HNF4A: variants seen among roughly 807,000 people sequenced by gnomAD.
HNF4A encodes the protein hepatocyte nuclear factor 4-alpha.
HNF4A carries 15 observed loss-of-function variants against 52.4 expected under a neutral mutation model. The ratio of observed to expected loss-of-function variants is 0.29; its 90% CI spans 0.19 to 0.44. HNF4A has a LOEUF of 0.44. HNF4A is among the 20% of genes least tolerant of loss of function. The pLI, the probability that HNF4A is intolerant of heterozygous loss-of-function variation, is 1.00. For synonymous variants in HNF4A, 280 were observed against 264.4 expected, an observed-to-expected ratio of 1.06 and a Z score of -0.57; for missense variants, 479 against 647.2, an observed-to-expected ratio of 0.74 and a Z score of 2.82.
chr20:44,382,537 C>T (rs1157419573), intron 1 of HNF4A, among the ~76,000 whole-genome samples: 1 of 151,994 alleles, frequency 6.6e-6, no homozygotes, highest in Non-Finnish European at 1.5e-5. Context: ...CCGCTGCACT[C>T]GGCCTAAGGG....
intron 3 of HNF4A, among the ~76,000 whole-genome samples, chr20:44,409,244 C>G (rs191160126): frequency 1.8e-4 from 27 of 152,328 alleles, no homozygotes; most frequent in Non-Finnish European, 3.2e-4. Flanking sequence ...ACTCCCTCCT[C>G]TCCCAAACCC....
At position 44,357,850 on chromosome 20, in the gene HNF4A, A is replaced by C. The variant is rs529573001; in HGVS notation, c.49+1997A>C. 1.4e-4 allele frequency among the ~76,000 whole-genome samples: 21 copies of C among 144,888 alleles called. No homozygotes were observed. In the East Asian group the frequency reaches 3.0e-3, roughly 21 times the overall value. Reference sequence around the variant, plus strand: ...AACTAAGGTTCAAGATTAAAAAAAAAACACAAACAAACAAAAAATGTCATC... The same window carrying C: ...AACTAAGGTTCAAGATTAAAAAAAACACACAAACAAACAAAAAATGTCATC... On this transcript the variant is annotated intron_variant, in intron 1 of 9. Transcript: ENST00000316673.
chr20:44,401,156 C>T (rs867753353), upstream of HNF4A: 51 of 1,413,486 alleles, frequency 3.6e-5, no homozygotes, highest in South Asian at 4.3e-4. Flanking sequence ...TATCCACCGG[C>T]GGGGGACCGA....
rs751211080 is a variant in HNF4A, at chr20:44,418,530, C to A, written c.736+18C>A. 1.2e-5 allele frequency: 19 copies of A among 1,592,536 alleles called. No individual in the cohort carries two copies. Among genetic ancestry groups the A allele is most frequent in the Non-Finnish European group, 1.6e-5 (19 of 1,164,268 alleles). On this transcript the variant is annotated intron_variant, in intron 6 of 9. Coordinates refer to ENST00000316099, the MANE Select transcript of HNF4A (RefSeq NM_000457.6). The stretch of plus-strand genomic sequence containing the variant: ...GCTCCTAGGTGAGGCGGCTGCCTGC[C>A]CTGGCCAGGGCTCCAGGGAGGGTAT...
chr20:44,418,606 G>A, intron 6 of HNF4A, 94 bp downstream of exon 6: 1 of 954,818 alleles, frequency 1.0e-6, no homozygotes, highest in Non-Finnish European at 1.7e-6. Flanking sequence ...TGGCATGCAA[G>A]GGTGAGGGAG....
chr20:44,403,453 A>G (rs1600700664), intron 1 of HNF4A, among the ~76,000 whole-genome samples: 1 of 152,372 alleles, frequency 6.6e-6, no homozygotes, highest in East Asian at 1.9e-4. Context: ...ACCATGGGTC[A>G]TCTCAAGGGC....
chr20:44,415,531 AC>A (rs2063651404), intron 5 of HNF4A, among the ~76,000 whole-genome samples: 1 of 152,124 alleles, frequency 6.6e-6, no homozygotes, highest in African/African-American at 2.4e-5. Flanking sequence ...AAGAGATGTT[AC>A]CCATCTGGGG....
chr20:44,427,064 G>A (rs529453628), intron 8 of HNF4A, among the ~76,000 whole-genome samples: 69 of 152,328 alleles, frequency 4.5e-4, no homozygotes, highest in African/African-American at 1.6e-3. Flanking sequence ...GTTGTGTGGG[G>A]CTGTCCTGTA....
At chr20:44,402,570 GTCTCGCCAGATT>G in intron 1 of HNF4A, 1 of 1,365,686 alleles carries the variant, frequency 7.3e-7, no homozygotes. Flanking sequence ...TTGCCGCTGC[GTCTCGCCAGATT>G]GAGGCATCCC....
chr20:44,408,655 A>G (rs1178751428), intron 3 of HNF4A, among the ~76,000 whole-genome samples: 1 of 152,186 alleles, frequency 6.6e-6, no homozygotes, highest in Non-Finnish European at 1.5e-5. Context: ...TGAACCCAAG[A>G]GGAGGCGGTT....
At chr20:44,414,712 C>G in intron 5 of HNF4A, 50 bp downstream of exon 5, 1 of 1,554,710 alleles carries the variant, frequency 6.4e-7, no homozygotes, top group Non-Finnish European at 8.7e-7. Flanking sequence ...GGCGGGGCAG[C>G]CAGGGGGCTG....
intron 1 of HNF4A, among the ~76,000 whole-genome samples, chr20:44,374,131 C>A (rs1414061266): frequency 6.6e-6 from 1 of 152,154 alleles, no homozygotes; most frequent in African/African-American, 2.4e-5. Context: ...GTTTTTTAGC[C>A]CTTGCCCTTC....
chr20:44,399,726 G>A (rs767810930), upstream of HNF4A, among the ~76,000 whole-genome samples: 9 of 151,982 alleles, frequency 5.9e-5, no homozygotes, highest in Non-Finnish European at 8.8e-5. Context: ...ACCCTCATTC[G>A]TTCATTCACT....
In HNF4A at chr20:44,432,652, A is replaced by G. The variant is rs1314741471; in HGVS notation, c.*2987A>G. The G allele has an allele frequency of 6.6e-6, 1 of 152,108 alleles. No individual in the cohort carries two copies. The highest frequency in any genetic ancestry group is 1.5e-5 in the Non-Finnish European group (1 of 68,020). The allele number at this position is 152,108 out of a possible 1,614,324, so 9.4% of individuals were successfully genotyped here. On this transcript the variant is annotated 3_prime_UTR_variant, in exon 10 of 10. Coordinates refer to ENST00000316099, the MANE Select transcript of HNF4A (RefSeq NM_000457.6). ...TGAATTGTGAAATTTACATCAAGCA[A>G]TTATCAAAGCGGGCTGGGTCCCATC... is the stretch of plus-strand genomic sequence containing the variant.
At chr20:44,434,136 A>C (rs1238838693), downstream of HNF4A, 1 of 152,240 alleles carries the variant, frequency 6.6e-6, no homozygotes, top group African/African-American at 2.4e-5. Flanking sequence ...GGGAGGGGAC[A>C]AAAGTTCTGG....
At position 44,429,567 on chromosome 20, in the gene HNF4A, T is replaced by A; in HGVS notation, c.1327T>A (p.Ser443Thr). The A allele has an allele frequency of 6.2e-7, 1 of 1,613,602 alleles. No individual in the cohort carries two copies. Among genetic ancestry groups the A allele is most frequent in the Non-Finnish European group, 8.5e-7 (1 of 1,179,774 alleles). The change falls in exon 10 of 10, where the codon TCT becomes ACT. Residue 443 changes from serine to threonine, a missense_variant. Physicochemically the swap from Ser to Thr is moderately conservative, Grantham distance 58 (BLOSUM62 1). Around this residue, in one of 3 missense-constraint regions of HNF4A, gnomAD observed 389 missense variants for 525.1 expected, o/e 0.74. Transcript: ENST00000316099. The stretch of plus-strand genomic sequence containing the variant: ...GCCCTCACCGCCAGGTGGCTCAGGG[T>A]CTGAGCCCTATAAGCTCCTGCCGGG...
intron 7 of HNF4A, among the ~76,000 whole-genome samples, chr20:44,420,344 G>A (rs998452513): frequency 4.6e-5 from 7 of 151,810 alleles, no homozygotes; most frequent in Non-Finnish European, 1.0e-4. Context: ...ACAAAGGGAG[G>A]ATATGACTTG....
upstream of HNF4A, chr20:44,401,142 A>C (rs2063401728): frequency 3.0e-6 from 4 of 1,342,212 alleles, no homozygotes; most frequent in South Asian, 4.5e-5. Context: ...AGCCCCGCCC[A>C]GCCTATCCAC....
chr20:44,409,635 T>C (rs2063552636), intron 3 of HNF4A, among the ~76,000 whole-genome samples: 3 of 152,132 alleles, frequency 2.0e-5, no homozygotes, highest in South Asian at 4.2e-4. Context: ...GTTATAAATG[T>C]CTTTTATTAG....
Sources: allele counts gnomAD v4.1 joint callset (sites outside exome capture counted in the v4.1 genomes callset), GRCh38; gene constraint gnomAD v4.1.1; regional missense constraint gnomAD v4.1.1; transcripts MANE v1.5; gene names NCBI Gene and HGNC (gene_info 2026-07-23, HGNC 2026-07-21).